Variants in SNAP91 observed in about 807,000 individuals in gnomAD.
SNAP91 encodes synaptosome associated protein 91, also known as clathrin coat assembly protein AP180.
SNAP91 carries 27 observed loss-of-function variants against 100.3 expected under a neutral mutation model. That is an observed-to-expected ratio of 0.27 (90% confidence interval 0.20 to 0.37). SNAP91 has a LOEUF of 0.37. SNAP91 is among the 10% of genes least tolerant of loss of function. The probability of loss-of-function intolerance (pLI) is 1.00; values close to 1 mark genes in which losing one functional copy is unlikely to be tolerated. For synonymous variants in SNAP91, 404 were observed against 398.6 expected (o/e 1.01, Z -0.16); for missense variants, 986 against 1,123.7 (o/e 0.88, Z 1.75).
At chr6:83,571,087 C>T (rs1806649329) in intron 26 of SNAP91, among the ~76,000 whole-genome samples, 1 of 151,476 alleles carries the variant, frequency 6.6e-6, no homozygotes, top group South Asian at 2.1e-4. Context: ...ATGGAGCTGC[C>T]CGAGGACCAT....
At chr6:83,572,422 T>C (rs377523860) in intron 26 of SNAP91, among the ~76,000 whole-genome samples, 3 of 133,788 alleles carry the variant, frequency 2.2e-5, no homozygotes, top group African/African-American at 1.2e-4. Context: ...AAGTTTTGCA[T>C]TTTTTTTTGG....
chr6:83,598,642 CA>C (rs1045808935), intron 16 of SNAP91, among the ~76,000 whole-genome samples: 2 of 152,080 alleles, frequency 1.3e-5, no homozygotes, highest in African/African-American at 4.8e-5. Flanking sequence ...CTGTGTTAAA[CA>C]AAACATAACT....
intron 26 of SNAP91, among the ~76,000 whole-genome samples, chr6:83,562,333 C>A (rs892212223): frequency 6.6e-6 from 1 of 151,964 alleles, no homozygotes; most frequent in Non-Finnish European, 1.5e-5. Flanking sequence ...AGATTATACA[C>A]CATGACCAGG....
At chr6:83,648,868 T>C (rs751174324) in intron 7 of SNAP91, among the ~76,000 whole-genome samples, 52 of 152,334 alleles carry the variant, frequency 3.4e-4, no homozygotes, top group African/African-American at 5.1e-4. Context: ...TAAATACATA[T>C]ACTTTCTCCT....
In SNAP91 at chr6:83,557,742, T is replaced by C. The variant is rs1000982917; in HGVS notation, c.2632-1497A>G. Reference sequence around the variant, plus strand: ...GGGATCTGTTTCATAGAGAGAGATATATATATAAATAAAGTAAGGCTTGAA... The same window carrying C: ...GGGATCTGTTTCATAGAGAGAGATACATATATAAATAAAGTAAGGCTTGAA... On this transcript the variant is annotated intron_variant, in intron 28 of 29. Transcript: ENST00000369694. Among the ~76,000 whole-genome samples the C allele has an allele frequency of 6.6e-5, 10 of 152,098 alleles. No individual in the cohort carries two copies. In the South Asian group the frequency reaches 1.2e-3, roughly 19 times the overall value.
At chr6:83,696,695 A>C (rs2099217381) in intron 2 of SNAP91, among the ~76,000 whole-genome samples, 1 of 152,170 alleles carries the variant, frequency 6.6e-6, no homozygotes, top group South Asian at 2.1e-4. Context: ...GGGCTTAAAC[A>C]TCTCTTCCTC....
chr6:83,707,988 T>A (rs2129088797), intron 1 of SNAP91, 31 bp from the exon 2 acceptor site: 1 of 1,509,430 alleles, frequency 6.6e-7, no homozygotes, highest in East Asian at 2.5e-5. Context: ...CGGTCCGGCT[T>A]TAATCCGCAG....
At chr6:83,701,318 A>G (rs1207209324) in intron 2 of SNAP91, among the ~76,000 whole-genome samples, 2 of 152,194 alleles carry the variant, frequency 1.3e-5, no homozygotes, top group South Asian at 4.1e-4. Context: ...GACAGTTGTA[A>G]TTTAAAATAA....
chr6:83,567,328 C>T (rs986976998), intron 26 of SNAP91, among the ~76,000 whole-genome samples: 1 of 152,062 alleles, frequency 6.6e-6, no homozygotes, highest in African/African-American at 2.4e-5. Flanking sequence ...CCCACTTGTT[C>T]GATAAAAACT....
intron 3 of SNAP91, 120 bp from the exon 4 acceptor site, chr6:83,662,542 TAA>T: frequency 2.6e-6 from 1 of 381,880 alleles, no homozygotes; most frequent in Non-Finnish European, 4.8e-6. Context: ...TACTCAGTTA[TAA>T]AGTTTCCTAG....
chr6:83,675,050 G>C (rs531003738), intron 2 of SNAP91, among the ~76,000 whole-genome samples: 3 of 152,300 alleles, frequency 2.0e-5, no homozygotes, highest in African/African-American at 7.2e-5. Flanking sequence ...TGAAGGGGAG[G>C]TGCTGAGAAC....
At chr6:83,567,733 GAC>G (rs1562127232) in intron 26 of SNAP91, among the ~76,000 whole-genome samples, 1 of 152,058 alleles carries the variant, frequency 6.6e-6, no homozygotes, top group East Asian at 1.9e-4. Context: ...GCAGCCAAAA[GAC>G]ACATGAAAAA....
intron 2 of SNAP91, among the ~76,000 whole-genome samples, chr6:83,673,752 T>G (rs529522512): frequency 6.6e-6 from 1 of 152,184 alleles, no homozygotes; most frequent in Admixed American, 6.6e-5. Context: ...GCCAGCAGAA[T>G]CCTGCCCCCA....
intron 8 of SNAP91, among the ~76,000 whole-genome samples, chr6:83,640,226 A>G (rs545511775): frequency 7.9e-5 from 12 of 152,298 alleles, no homozygotes; most frequent in Admixed American, 7.8e-4. Flanking sequence ...AACACAATGC[A>G]TGGACTAGAG....
At chr6:83,572,825 T>C (rs1366819281) in intron 26 of SNAP91, among the ~76,000 whole-genome samples, 1 of 152,208 alleles carries the variant, frequency 6.6e-6, no homozygotes, top group Non-Finnish European at 1.5e-5. Flanking sequence ...ATAATATAGA[T>C]TACATTGTGA....
chr6:83,665,231 T>TC (rs997549417), intron 3 of SNAP91, among the ~76,000 whole-genome samples: 3 of 152,060 alleles, frequency 2.0e-5, no homozygotes, highest in African/African-American at 7.2e-5. Flanking sequence ...CTATTCCTCA[T>TC]ATCTCTAAGA....
At chr6:83,629,983 G>T (rs2097141153) in intron 8 of SNAP91, among the ~76,000 whole-genome samples, 1 of 152,014 alleles carries the variant, frequency 6.6e-6, no homozygotes, top group African/African-American at 2.4e-5. Context: ...TGCTGGTTGT[G>T]GGTTTGTCAT....
chr6:83,691,795 T>C (rs2099133960), intron 2 of SNAP91, among the ~76,000 whole-genome samples: 1 of 152,104 alleles, frequency 6.6e-6, no homozygotes, highest in South Asian at 2.1e-4. Context: ...AACCTAAATA[T>C]TTGAAAAGTG....
Position 83,601,359 on chromosome 6 carries a change from A to G in SNAP91, c.1236T>C (p.Thr412=). 1 of 1,613,682 alleles carries G rather than the reference A, an allele frequency of 6.2e-7. No homozygotes were observed. The highest frequency in any genetic ancestry group is 1.7e-4 in the Middle Eastern group (1 of 6,058). The change falls in exon 16 of 30, where the codon ACT becomes ACC. Residue 412 remains threonine (T), a synonymous_variant. Transcript: ENST00000369694. The part of the protein sequence containing the change: ...DPFAPEPTPP[T]TTAEIATASA... ...AGGCAGTTGCAATTTCAGCAGTTGT[A>G]GTAGGAGGGGTAGGTTCTGGTGCAA...
Sources: allele counts gnomAD v4.1 joint callset (sites outside exome capture counted in the v4.1 genomes callset), GRCh38; gene constraint gnomAD v4.1.1; transcripts MANE v1.5; gene names NCBI Gene and HGNC (gene_info 2026-07-23, HGNC 2026-07-21).